The following GFRA1 variants were observed in gnomAD, a reference collection of about 807,000 sequenced individuals.
The protein encoded by GFRA1 is GDNF family receptor alpha-1.
In GFRA1, 16 loss-of-function variants were observed where a neutral mutation model predicts 51.6. That is an observed-to-expected ratio of 0.31 (90% CI 0.21 to 0.47). The LOEUF (loss-of-function observed/expected upper bound fraction) is 0.47. Among genes scored for constraint, GFRA1 ranks in the 20% least tolerant of loss-of-function variants. GFRA1 has a pLI of 1.00. For missense variants in GFRA1, 530 were observed against 594.3 expected (o/e 0.89, Z 1.13); for synonymous variants, 270 against 241.3 (o/e 1.12, Z -1.10).
chr10:116,197,866 C>G (rs966327990), intron 5 of GFRA1, among the ~76,000 whole-genome samples: 2 of 152,104 alleles, frequency 1.3e-5, no homozygotes, highest in Non-Finnish European at 2.9e-5. Context: ...CTGAGGCATG[C>G]GTGGGCTTGG....
intron 4 of GFRA1, among the ~76,000 whole-genome samples, chr10:116,263,842 A>C (rs924741593): frequency 1.3e-5 from 2 of 152,212 alleles, no homozygotes; most frequent in South Asian, 4.1e-4. Flanking sequence ...AAAAGACAGC[A>C]GGTAATTTCA....
intron 4 of GFRA1, among the ~76,000 whole-genome samples, chr10:116,258,141 G>A (rs1461355511): frequency 1.3e-5 from 2 of 151,734 alleles, no homozygotes; most frequent in Non-Finnish European, 2.9e-5. Context: ...TATCTCTAAA[G>A]CAAAAAAGGG....
At chr10:116,176,784 C>A (rs10787633) in intron 5 of GFRA1, among the ~76,000 whole-genome samples, 83,138 of 146,650 alleles carry the variant, frequency 0.57, 23,501 homozygotes, top group Middle Eastern at 0.68. Flanking sequence ...CCTACCATGG[C>A]CAAGGCTTTG....
chr10:116,216,123 C>G (rs1362926784), intron 4 of GFRA1, among the ~76,000 whole-genome samples: 2 of 152,152 alleles, frequency 1.3e-5, no homozygotes, highest in African/African-American at 4.8e-5. Context: ...CCTCCAGAGA[C>G]AGGGGCCATA....
intron 5 of GFRA1, among the ~76,000 whole-genome samples, chr10:116,196,569 A>C (rs1191223359): frequency 6.6e-5 from 3 of 45,372 alleles, no homozygotes; most frequent in African/African-American, 1.4e-4. Flanking sequence ...ACTATATATA[A>C]TATATATAAT....
At chr10:116,128,142 C>T (rs539957781) in intron 5 of GFRA1, among the ~76,000 whole-genome samples, 149 of 152,220 alleles carry the variant, frequency 9.8e-4, no homozygotes, top group African/African-American at 3.5e-3. Context: ...ATGGAGAAGC[C>T]GAGCACTACA....
At chr10:116,192,100 C>T (rs1367205899) in intron 5 of GFRA1, among the ~76,000 whole-genome samples, 2 of 152,148 alleles carry the variant, frequency 1.3e-5, no homozygotes, top group East Asian at 1.9e-4. Context: ...TCATTTCTTT[C>T]GTCCTTGTCT....
chr10:116,096,789 GGGT>G lies in GFRA1; in HGVS notation c.771-28_771-26del, dbSNP rs562111744. On this transcript the variant is annotated intron_variant, in intron 6 of 10. Transcript: ENST00000355422. ...TCTACAATAGGAAAAAAGGGGTGGG[GGGT>G]GGAAATGTGCTTTAAAACATCCTAA... is the stretch of plus-strand genomic sequence containing the variant. The G allele has an allele frequency of 2.3e-5, 29 of 1,282,566 alleles. No individual in the cohort carries two copies. In the East Asian group the frequency reaches 6.0e-4, roughly 27 times the overall value. 79.4% of individuals were successfully genotyped at this position (1,282,566 alleles called of 1,614,324 possible).
At chr10:116,099,279 T>G (rs566371724) in intron 6 of GFRA1, among the ~76,000 whole-genome samples, 1 of 152,314 alleles carries the variant, frequency 6.6e-6, no homozygotes, top group East Asian at 1.9e-4. Context: ...TACACCACGG[T>G]AACCAGCAAA....
intron 4 of GFRA1, among the ~76,000 whole-genome samples, chr10:116,254,709 A>G (rs1035192339): frequency 6.6e-6 from 1 of 152,194 alleles, no homozygotes; most frequent in Non-Finnish European, 1.5e-5. Flanking sequence ...CTAAATCTTC[A>G]AGACTAAAGT....
intron 5 of GFRA1, among the ~76,000 whole-genome samples, chr10:116,149,535 C>A (rs551577134): frequency 6.6e-6 from 1 of 152,272 alleles, no homozygotes; most frequent in South Asian, 2.1e-4. Flanking sequence ...TAGGAAGACA[C>A]CTATAATTTT....
rs573158591 is a variant in GFRA1 at position 116,155,940 on chromosome 10, C to A, written c.434-30383G>T. Among the ~76,000 whole-genome samples the A allele has an allele frequency of 6.6e-5, 10 of 152,330 alleles. No individual in the cohort carries two copies. The South Asian group carries it at 2.1e-3, about 32-fold the overall frequency. ...GGCTCTCCAGCACACCCACCAAAAGCAAACGCTAGAAAACAAAGAAGGCCA... is the reference window on the plus strand; with the variant it reads ...GGCTCTCCAGCACACCCACCAAAAGAAAACGCTAGAAAACAAAGAAGGCCA... On this transcript the variant is annotated intron_variant, in intron 5 of 10. Coordinates refer to ENST00000355422, the MANE Select transcript of GFRA1 (RefSeq NM_005264.8).
intron 5 of GFRA1, among the ~76,000 whole-genome samples, chr10:116,191,793 A>G (rs1306341536): frequency 6.6e-6 from 1 of 152,172 alleles, no homozygotes; most frequent in Non-Finnish European, 1.5e-5. Context: ...TTGGGAGGCC[A>G]AGGCAGGCGG....
chr10:116,103,093 C>T (rs1372461792), intron 6 of GFRA1, among the ~76,000 whole-genome samples: 2 of 152,204 alleles, frequency 1.3e-5, no homozygotes, highest in Admixed American at 6.5e-5. Flanking sequence ...TTCACGCAGC[C>T]TCTCACATCT....
At chr10:116,235,090 G>A (rs548644465) in intron 4 of GFRA1, among the ~76,000 whole-genome samples, 4 of 152,276 alleles carry the variant, frequency 2.6e-5, no homozygotes, top group South Asian at 2.1e-4. Flanking sequence ...TTACCCAGTC[G>A]CAGGTATGTT....
chr10:116,190,501 GC>G (rs1963154549), intron 5 of GFRA1, among the ~76,000 whole-genome samples: 1 of 152,264 alleles, frequency 6.6e-6, no homozygotes, highest in East Asian at 1.9e-4. Flanking sequence ...AAAGGTACAG[GC>G]CCAGAAACTA....
chr10:116,199,708 G>A (rs1245748373), intron 5 of GFRA1, among the ~76,000 whole-genome samples: 1 of 152,128 alleles, frequency 6.6e-6, no homozygotes, highest in Non-Finnish European at 1.5e-5. Context: ...GTTGGTATTT[G>A]TTTCATTTTT....
intron 5 of GFRA1, among the ~76,000 whole-genome samples, chr10:116,205,261 A>G (rs763385587): frequency 4.6e-5 from 7 of 152,086 alleles, no homozygotes; most frequent in Non-Finnish European, 7.4e-5. Context: ...CACAAATACT[A>G]GCATTATTAT....
At chr10:116,140,773 G>A (rs1039942021) in intron 5 of GFRA1, among the ~76,000 whole-genome samples, 1 of 152,142 alleles carries the variant, frequency 6.6e-6, no homozygotes, top group African/African-American at 2.4e-5. Context: ...GAGTGTTTCC[G>A]CATTTGAGAG....
Sources: allele counts gnomAD v4.1 joint callset (sites outside exome capture counted in the v4.1 genomes callset), GRCh38; gene constraint gnomAD v4.1.1; transcripts MANE v1.5; gene names NCBI Gene and HGNC (gene_info 2026-07-23, HGNC 2026-07-21).